MED27: variants seen among roughly 807,000 people sequenced by gnomAD.
MED27 encodes mediator of RNA polymerase II transcription subunit 27.
Under a neutral mutation model 38.2 loss-of-function variants are expected in MED27, and 30 were observed. The observed-to-expected ratio is 0.79, with a 90% CI of 0.59 to 1.07. The LOEUF (loss-of-function observed/expected upper bound fraction) is 1.07. Among genes scored for constraint, MED27 ranks in the 50% least tolerant of loss-of-function variants. The pLI is 0.00. For synonymous variants in MED27, 122 were observed against 153.5 expected, an observed-to-expected ratio of 0.79 and a Z score of 1.52; for missense variants, 289 against 397.5, an observed-to-expected ratio of 0.73 and a Z score of 2.32.
chr9:131,868,613 G>A, intron 6 of MED27: 4 of 985,492 alleles, frequency 4.1e-6, no homozygotes, highest in Non-Finnish European at 4.8e-6. Context: ...GAGGAGTGAG[G>A]ATGTCCAGAA....
At position 131,890,605 on chromosome 9, in the gene MED27, C is replaced by T. The variant is rs566740213; in HGVS notation, c.681+3280G>A. Reference sequence around the variant, plus strand: ...CATTCCAGCTTAAGCATTTTCATATCCCAAGTAGGCTTTTTCATCATCTCC... The same window carrying T: ...CATTCCAGCTTAAGCATTTTCATATTCCAAGTAGGCTTTTTCATCATCTCC... On this transcript the variant is annotated intron_variant, in intron 5 of 7. Coordinates refer to ENST00000292035, the MANE Select transcript of MED27 (RefSeq NM_004269.4). Among the ~76,000 whole-genome samples the T allele has an allele frequency of 1.5e-3, 229 of 152,306 alleles. 3 individuals carry two copies. In the South Asian group the frequency reaches 0.015, roughly 10 times the overall value.
intron 6 of MED27, among the ~76,000 whole-genome samples, chr9:131,880,700 A>T (rs979124261): frequency 6.6e-6 from 1 of 152,208 alleles, no homozygotes; most frequent in South Asian, 2.1e-4. Context: ...GACTAATATC[A>T]AATTTTAAAC....
At chr9:132,077,369 G>C (rs991030688) in intron 2 of MED27, 73 bp downstream of exon 2, 5 of 1,398,196 alleles carry the variant, frequency 3.6e-6, no homozygotes, top group Non-Finnish European at 5.0e-6. Flanking sequence ...ACATACTCTT[G>C]CTTTCTGCAT....
chr9:132,053,036 G>A (rs997826551), intron 2 of MED27, among the ~76,000 whole-genome samples: 1 of 152,004 alleles, frequency 6.6e-6, no homozygotes, highest in African/African-American at 2.4e-5. Flanking sequence ...GGTGGATCAC[G>A]AGGTCAGGAG....
chr9:131,944,458 T>C (rs1830844494), intron 3 of MED27, among the ~76,000 whole-genome samples: 2 of 152,128 alleles, frequency 1.3e-5, no homozygotes, highest in Admixed American at 6.5e-5. Flanking sequence ...ACTAAAGGCT[T>C]TCTGGGGTCC....
intron 4 of MED27, among the ~76,000 whole-genome samples, chr9:131,909,896 T>C (rs1830156931): frequency 1.3e-5 from 2 of 152,246 alleles, no homozygotes; most frequent in African/African-American, 2.4e-5. Context: ...AACTGTAGTT[T>C]GTTTGAAGAA....
intron 6 of MED27, among the ~76,000 whole-genome samples, chr9:131,870,454 T>C (rs1028237645): frequency 1.3e-5 from 2 of 152,224 alleles, no homozygotes; most frequent in African/African-American, 4.8e-5. Flanking sequence ...GATGACCTTA[T>C]GACAGAGGTA....
intron 5 of MED27, among the ~76,000 whole-genome samples, chr9:131,886,040 CA>C (rs924506612): frequency 7.2e-5 from 11 of 152,126 alleles, no homozygotes; most frequent in Non-Finnish European, 1.3e-4. Context: ...AGCCATTGGA[CA>C]GGAAAAGTCC....
rs76879045 is a variant in MED27 at position 132,023,342 on chromosome 9, C to T, written c.349-8875G>A. On this transcript the variant is annotated intron_variant, in intron 2 of 7. Coordinates refer to ENST00000292035, the MANE Select transcript of MED27 (RefSeq NM_004269.4). ...ATTGCCAAGGTATCCAGTCAATAAACTAATAAACATGATTTTTTGAAAATT... is the reference window on the plus strand; with the variant it reads ...ATTGCCAAGGTATCCAGTCAATAAATTAATAAACATGATTTTTTGAAAATT... Among the ~76,000 whole-genome samples the T allele has an allele frequency of 5.2e-3, 793 of 152,234 alleles. 3 individuals carry two copies. The highest frequency in any genetic ancestry group is 0.017 in the African/African-American group (711 of 41,532).
intron 2 of MED27, among the ~76,000 whole-genome samples, chr9:132,072,779 A>AT (rs1323167993): frequency 6.6e-6 from 1 of 151,978 alleles, no homozygotes; most frequent in Non-Finnish European, 1.5e-5. Flanking sequence ...CATTTAAGTG[A>AT]TTTTCTCTCC....
chr9:131,971,430 G>T lies in MED27; in HGVS notation c.480-31956C>A, dbSNP rs556421193. On this transcript the variant is annotated intron_variant, in intron 3 of 7. Coordinates refer to ENST00000292035, the MANE Select transcript of MED27 (RefSeq NM_004269.4). Reference sequence around the variant, plus strand: ...GAGGGGCCAGATCATGGAAGCCTTTGCAGACCAGCAATAAGAGGAGTTTGG... The same window carrying T: ...GAGGGGCCAGATCATGGAAGCCTTTTCAGACCAGCAATAAGAGGAGTTTGG... Among the ~76,000 whole-genome samples, 3 of 152,356 alleles carry T rather than the reference G, an allele frequency of 2.0e-5. No homozygotes were observed. The East Asian group carries it at 5.8e-4, about 29-fold the overall frequency.
intron 3 of MED27, among the ~76,000 whole-genome samples, chr9:131,941,056 C>T (rs1345483585): frequency 6.6e-6 from 1 of 152,160 alleles, no homozygotes; most frequent in Non-Finnish European, 1.5e-5. Flanking sequence ...ACAGTGGTAG[C>T]GCATTGTGAA....
intron 4 of MED27, among the ~76,000 whole-genome samples, chr9:131,902,027 T>C (rs954164030): frequency 6.6e-6 from 1 of 152,108 alleles, no homozygotes; most frequent in Non-Finnish European, 1.5e-5. Flanking sequence ...TCACAAGCAA[T>C]GGTGACCAAA....
chr9:131,882,440 G>A (rs1839064636), intron 6 of MED27, among the ~76,000 whole-genome samples: 1 of 152,196 alleles, frequency 6.6e-6, no homozygotes, highest in South Asian at 2.1e-4. Context: ...CTTTAAAACG[G>A]TTAATTTCAA....
rs1384140572 is a variant in MED27, at chr9:131,875,044, A to G, written c.723+9014T>C. Among the ~76,000 whole-genome samples, 99 of 152,256 alleles carry G rather than the reference A, an allele frequency of 6.5e-4. 1 individual carries two copies. Among genetic ancestry groups the G allele is most frequent in the Non-Finnish European group, 1.3e-4 (9 of 68,018 alleles). On this transcript the variant is annotated intron_variant, in intron 6 of 7. Coordinates refer to ENST00000292035, the MANE Select transcript of MED27 (RefSeq NM_004269.4). ...CCCGCCAAGAGGCAGCTCAGCCGCC[A>G]AGGTGCCAGGCGCCCCAGCCACCCC... is the stretch of plus-strand genomic sequence containing the variant.
rs1438527302 is a variant in MED27, at chr9:132,003,747, C to A, written c.479+10590G>T. On this transcript the variant is annotated intron_variant, in intron 3 of 7. Transcript: ENST00000292035. This position sits in a 1 kb window ranked among gnomAD's most constrained non-coding sequence, Gnocchi z 4.2. ...ATACTCCTCTTTCACACCCCACCAC[C>A]CAGTACTTTTGGGAAGGGGGGATTG... 6.6e-6 allele frequency among the ~76,000 whole-genome samples: 1 copy of A among 152,172 alleles called. No individual in the cohort carries two copies. Among genetic ancestry groups the A allele is most frequent in the Non-Finnish European group, 1.5e-5 (1 of 68,026 alleles).
chr9:132,036,311 C>T (rs11243603), intron 2 of MED27, among the ~76,000 whole-genome samples: 3,045 of 152,154 alleles, frequency 0.02, 96 homozygotes, highest in African/African-American at 0.07. Context: ...TCAAGCTATC[C>T]TCCCGCCTCA....
intron 4 of MED27, among the ~76,000 whole-genome samples, chr9:131,904,538 TC>T (rs1161726132): frequency 9.0e-5 from 13 of 144,780 alleles, no homozygotes; most frequent in South Asian, 2.2e-4. Context: ...TAAATAGAGA[TC>T]GGGGGGGAGC....
chr9:132,017,747 C>T (rs568096684), intron 2 of MED27, among the ~76,000 whole-genome samples: 32 of 152,222 alleles, frequency 2.1e-4, no homozygotes, highest in Non-Finnish European at 3.5e-4. Context: ...CCATTAATTT[C>T]CACTTTCTAT....
Sources: gnomAD v4.1 joint callset for allele counts (sites outside exome capture counted in the v4.1 genomes callset) on GRCh38, gnomAD v4.1.1 for gene constraint, Gnocchi (gnomAD v3.1) non-coding constraint, MANE v1.5 for transcripts, NCBI Gene and HGNC (gene_info 2026-07-23, HGNC 2026-07-21) for gene names.